Variants in LONP2 observed in about 807,000 individuals in gnomAD.
LONP2 encodes lon peptidase 2, peroxisomal.
In LONP2, 60 loss-of-function variants were observed where a neutral mutation model predicts 85.6. That is an observed-to-expected ratio of 0.70 (90% CI 0.57 to 0.87). LONP2 has a LOEUF of 0.87. LONP2 is among the 40% of genes least tolerant of loss of function. The pLI is 0.00. For missense variants in LONP2, 860 were observed against 1,063.5 expected (o/e 0.81, Z 2.66); for synonymous variants, 395 against 389.7 (o/e 1.01, Z -0.16).
chr16:48,330,355 T>G (rs1379135834), intron 11 of LONP2, among the ~76,000 whole-genome samples: 1 of 152,202 alleles, frequency 6.6e-6, no homozygotes, highest in Admixed American at 6.5e-5. Context: ...TTGTTGTTGG[T>G]TTTTCCCCTT....
At chr16:48,337,710 T>C (rs1321277859) in intron 12 of LONP2, among the ~76,000 whole-genome samples, 1 of 152,230 alleles carries the variant, frequency 6.6e-6, no homozygotes, top group East Asian at 1.9e-4. Flanking sequence ...ATTTCTCTAC[T>C]TCTTTGTGCT....
chr16:48,277,607 G>T, intron 8 of LONP2, 128 bp downstream of exon 8: 1 of 837,610 alleles, frequency 1.2e-6, no homozygotes. Context: ...GATACCGGCT[G>T]AGGTCTGAGC....
At chr16:48,270,391 C>T in intron 7 of LONP2, 117 bp downstream of exon 7, 1 of 1,120,048 alleles carries the variant, frequency 8.9e-7, no homozygotes, top group Non-Finnish European at 1.3e-6. Context: ...TGTGTGGTAC[C>T]TTGAATGAAA....
intron 8 of LONP2, among the ~76,000 whole-genome samples, chr16:48,278,021 T>C (rs1349294573): frequency 2.0e-5 from 3 of 151,832 alleles, no homozygotes; most frequent in Non-Finnish European, 4.4e-5. Flanking sequence ...TAAGAATTTT[T>C]TTCTTGTTTT....
intron 2 of LONP2, among the ~76,000 whole-genome samples, chr16:48,256,353 A>G (rs1002661100): frequency 9.2e-5 from 14 of 152,242 alleles, no homozygotes; most frequent in African/African-American, 3.4e-4. Flanking sequence ...AAAAATAATC[A>G]TGGCACAGGT....
At chr16:48,324,186 T>A (rs536353505) in intron 11 of LONP2, among the ~76,000 whole-genome samples, 2 of 152,340 alleles carry the variant, frequency 1.3e-5, no homozygotes, top group Non-Finnish European at 2.9e-5. Context: ...TGACACATAT[T>A]TCTGCAATTT....
intron 11 of LONP2, among the ~76,000 whole-genome samples, chr16:48,319,389 A>G (rs1006603587): frequency 4.6e-5 from 7 of 152,182 alleles, no homozygotes. Flanking sequence ...CAAAAAAAAT[A>G]AAAAGTAACC....
At chr16:48,320,714 T>A (rs778509951) in intron 11 of LONP2, among the ~76,000 whole-genome samples, 5 of 152,122 alleles carry the variant, frequency 3.3e-5, no homozygotes, top group Non-Finnish European at 5.9e-5. Context: ...ATTTTCTGAG[T>A]CTGACATTTA....
rs113663883 is a variant in LONP2, at chr16:48,353,053, A to G, written c.*1251A>G. 15 of 152,216 alleles carry G rather than the reference A, an allele frequency of 9.9e-5. No homozygotes were observed. The highest frequency in any genetic ancestry group is 2.1e-4 in the Non-Finnish European group (14 of 68,036). The allele number at this position is 152,216 out of a possible 1,614,324, so 9.4% of individuals were successfully genotyped here. A position where few individuals can be genotyped will look rare whatever the true frequency, so the allele number is the denominator to read the frequency against. On this transcript the variant is annotated 3_prime_UTR_variant, in exon 15 of 15. Transcript: ENST00000285737. ...TTTCTTCATCCATGAAATCCAAGTA[A>G]TACTACCTAATTGTTACTGTGGAGA... is the stretch of plus-strand genomic sequence containing the variant.
At chr16:48,299,528 G>A in intron 9 of LONP2, 134 bp from the exon 10 acceptor site, 1 of 805,132 alleles carries the variant, frequency 1.2e-6, no homozygotes, top group Non-Finnish European at 1.9e-6. Flanking sequence ...GTTGTAGTGA[G>A]CCGAGATCAC....
chr16:48,258,698 G>A lies in LONP2; in HGVS notation c.681G>A (p.Leu227=), dbSNP rs1451722949. 8 of 1,611,762 alleles carry A rather than the reference G, an allele frequency of 5.0e-6. No homozygotes were observed. The highest frequency in any genetic ancestry group is 1.7e-4 in the Middle Eastern group (1 of 6,054). The stretch of plus-strand genomic sequence containing the variant: ...TCAGACAAATTGAAGGCCTGAAATT[G>A]CTTCAAAAAACCAGAAAACCCAAGC... ...LLVRQIEGLK[L]LQKTRKPKQD... The change falls in exon 4 of 15, where the codon TTG becomes TTA. Residue 227 remains leucine (L), a synonymous_variant. Transcript: ENST00000285737.
intron 11 of LONP2, among the ~76,000 whole-genome samples, chr16:48,304,479 A>G (rs957497177): frequency 3.9e-5 from 6 of 152,142 alleles, no homozygotes; most frequent in Admixed American, 3.3e-4. Flanking sequence ...TGAGGCAGGC[A>G]GATGACTTGA....
intron 11 of LONP2, among the ~76,000 whole-genome samples, chr16:48,313,156 G>GT (rs779359131): frequency 2.0e-5 from 3 of 152,132 alleles, no homozygotes; most frequent in Non-Finnish European, 4.4e-5. Context: ...TTTAAAGTCA[G>GT]TTTGTCATTT....
At chr16:48,309,721 A>AT (rs200911407) in intron 11 of LONP2, among the ~76,000 whole-genome samples, 5 of 151,688 alleles carry the variant, frequency 3.3e-5, no homozygotes, top group South Asian at 2.1e-4. Context: ...TATGATTTTG[A>AT]TTTTTTTTTA....
intron 11 of LONP2, among the ~76,000 whole-genome samples, chr16:48,317,051 GTCTT>G (rs1241548085): frequency 6.6e-6 from 1 of 152,150 alleles, no homozygotes; most frequent in Non-Finnish European, 1.5e-5. Flanking sequence ...CTGGGATACA[GTCTT>G]TATTTTTATT....
Position 48,258,682 on chromosome 16 carries a change from T to C in LONP2, c.665T>C (p.Ile222Thr). The C allele has an allele frequency of 6.2e-7, 1 of 1,612,264 alleles. No individual in the cohort carries two copies. The highest frequency in any genetic ancestry group is 8.5e-7 in the Non-Finnish European group (1 of 1,179,294). ...KMTIPLLVRQIEGLKLLQKTR... is the reference protein window; with the variant it reads ...KMTIPLLVRQTEGLKLLQKTR... ...ACTATACCACTGCTTGTCAGACAAA[T>C]TGAAGGCCTGAAATTGCTTCAAAAA... Residue 222 changes from isoleucine to threonine, a missense_variant, in exon 4 of 15, where the codon ATT becomes ACT. Around this residue, in one of 3 missense-constraint regions of LONP2, gnomAD observed 743 missense variants for 917.3 expected, o/e 0.81. Transcript: ENST00000285737.
At chr16:48,248,814 C>T (rs935732860) in intron 1 of LONP2, among the ~76,000 whole-genome samples, 5 of 148,042 alleles carry the variant, frequency 3.4e-5, no homozygotes, top group East Asian at 4.0e-4. Flanking sequence ...CCCAGGTGAT[C>T]GAAGCTGCAG....
At chr16:48,253,063 A>G (rs963316585) in intron 2 of LONP2, among the ~76,000 whole-genome samples, 17 of 152,374 alleles carry the variant, frequency 1.1e-4, no homozygotes, top group Admixed American at 7.8e-4. Flanking sequence ...AATTATAAAT[A>G]CTACTGATCA....
At chr16:48,270,378 C>T in intron 7 of LONP2, 104 bp downstream of exon 7, 1 of 1,220,980 alleles carries the variant, frequency 8.2e-7, no homozygotes, top group East Asian at 2.4e-5. Context: ...CCTTAAAGGG[C>T]TATGTGTGGT....
Sources: allele counts gnomAD v4.1 joint callset (sites outside exome capture counted in the v4.1 genomes callset), GRCh38; gene constraint gnomAD v4.1.1; regional missense constraint gnomAD v4.1.1; transcripts MANE v1.5; gene names NCBI Gene and HGNC (gene_info 2026-07-23, HGNC 2026-07-21).